COTL1: variants seen among roughly 807,000 people sequenced by gnomAD.
COTL1 encodes coactosin-like protein.
In COTL1, 15 loss-of-function variants were observed where a neutral mutation model predicts 16.5. The ratio of observed to expected loss-of-function variants is 0.91; its 90% CI spans 0.61 to 1.40. The LOEUF is 1.40. Ranked by LOEUF, COTL1 falls within the 40% of genes most tolerant of loss-of-function variation. The pLI is 0.00. For synonymous variants in COTL1, 112 were observed against 85.3 expected (o/e 1.31, Z -1.73); for missense variants, 220 against 201.5 (o/e 1.09, Z -0.56).
intron 2 of COTL1, among the ~76,000 whole-genome samples, chr16:84,601,643 A>T (rs1335184514): frequency 6.6e-6 from 1 of 152,156 alleles, no homozygotes; most frequent in East Asian, 1.9e-4. Flanking sequence ...TTTAATATAG[A>T]CCAGGTTTCA....
chr16:84,583,651 G>A (rs572649767), intron 3 of COTL1, among the ~76,000 whole-genome samples: 1 of 151,948 alleles, frequency 6.6e-6, no homozygotes, highest in Admixed American at 6.6e-5. Flanking sequence ...GTAGAGACGA[G>A]GTCCCACTAT....
intron 3 of COTL1, among the ~76,000 whole-genome samples, chr16:84,583,914 C>T (rs1226843083): frequency 6.6e-6 from 1 of 152,132 alleles, no homozygotes; most frequent in Non-Finnish European, 1.5e-5. Context: ...TTCTGGATTC[C>T]TGGCTCCGTG....
At chr16:84,600,762 G>A (rs1455335004) in intron 2 of COTL1, among the ~76,000 whole-genome samples, 2 of 152,272 alleles carry the variant, frequency 1.3e-5, no homozygotes, top group South Asian at 4.1e-4. Context: ...TTTTCACTAG[G>A]TGTGAATGAC....
chr16:84,600,006 C>T (rs949740524), intron 2 of COTL1, among the ~76,000 whole-genome samples: 3 of 152,042 alleles, frequency 2.0e-5, no homozygotes, highest in African/African-American at 4.8e-5. Flanking sequence ...GCTCAGTGGC[C>T]GCCCACGTCT....
intron 2 of COTL1, chr16:84,594,399 T>C (rs969791253): frequency 6.6e-6 from 1 of 152,260 alleles, no homozygotes; most frequent in East Asian, 1.9e-4. Context: ...AGGTGCAAAG[T>C]GCGCAGCCAC....
chr16:84,614,259 GCAGGCAGCGAGGAAGGCCGGGAGC>G (rs1905410788), intron 2 of COTL1, among the ~76,000 whole-genome samples: 1 of 152,238 alleles, frequency 6.6e-6, no homozygotes, highest in Non-Finnish European at 1.5e-5. Context: ...TAGCGGAGGG[GCAGGCAGCGAGGAAGGCCGGGAGC>G]CAGGCAAGCT....
chr16:84,586,548 A>G (rs941532861), intron 3 of COTL1, among the ~76,000 whole-genome samples: 1 of 152,204 alleles, frequency 6.6e-6, no homozygotes, highest in Admixed American at 6.5e-5. Flanking sequence ...ATGTAGCTGA[A>G]TTGTACTTTA....
At chr16:84,591,982 T>C (rs146284785) in intron 2 of COTL1, among the ~76,000 whole-genome samples, 1 of 152,334 alleles carries the variant, frequency 6.6e-6, no homozygotes, top group East Asian at 1.9e-4. Context: ...CAACATCAGC[T>C]CAACTGGCAT....
intron 3 of COTL1, chr16:84,567,327 T>G (rs1904303201): frequency 1.1e-5 from 2 of 185,892 alleles, no homozygotes; most frequent in South Asian, 2.0e-4. Context: ...GTCAGGAAAA[T>G]AATAGGTTAC....
At chr16:84,583,068 C>T (rs187489350) in intron 3 of COTL1, among the ~76,000 whole-genome samples, 456 of 152,332 alleles carry the variant, frequency 3.0e-3, no homozygotes, top group Non-Finnish European at 4.5e-3. Context: ...TTGCGGCCTT[C>T]GAACCTCTTC....
At chr16:84,589,354 G>A (rs1315068388) in intron 3 of COTL1, among the ~76,000 whole-genome samples, 3 of 152,224 alleles carry the variant, frequency 2.0e-5, no homozygotes, top group African/African-American at 7.2e-5. Flanking sequence ...GTGCATGGTG[G>A]AGGATGGGCA....
chr16:84,608,032 G>C (rs1230642587), intron 2 of COTL1, among the ~76,000 whole-genome samples: 1 of 152,150 alleles, frequency 6.6e-6, no homozygotes, highest in Non-Finnish European at 1.5e-5. Flanking sequence ...ATCTTTTCAG[G>C]AGGTGCTGGC....
intron 2 of COTL1, among the ~76,000 whole-genome samples, chr16:84,612,865 G>T (rs1197191400): frequency 6.6e-6 from 1 of 152,162 alleles, no homozygotes; most frequent in Non-Finnish European, 1.5e-5. Flanking sequence ...TCAGAGGTAG[G>T]CATGTCAGGA....
chr16:84,592,664 G>A (rs1196624813), intron 2 of COTL1, among the ~76,000 whole-genome samples: 1 of 150,894 alleles, frequency 6.6e-6, no homozygotes. Context: ...GCAGAGTCCC[G>A]CACGAAGCAT....
At chr16:84,586,811 G>C (rs139695793) in intron 3 of COTL1, among the ~76,000 whole-genome samples, 2 of 152,096 alleles carry the variant, frequency 1.3e-5, no homozygotes, top group Non-Finnish European at 2.9e-5. Flanking sequence ...GGCTGGTCTC[G>C]AACTCCTGAC....
intron 3 of COTL1, among the ~76,000 whole-genome samples, chr16:84,577,684 C>T (rs143954375): frequency 6.6e-6 from 1 of 152,264 alleles, no homozygotes; most frequent in Admixed American, 6.5e-5. Flanking sequence ...AGTGACGCGA[C>T]CCTGCTGTAC....
intron 3 of COTL1, chr16:84,576,577 G>T (rs1276644666): frequency 2.0e-5 from 3 of 152,184 alleles, no homozygotes; most frequent in African/African-American, 4.8e-5. Flanking sequence ...GCTCTGAAAT[G>T]CCCGGAAGGC....
At chr16:84,579,715 C>T (rs538863854) in intron 3 of COTL1, among the ~76,000 whole-genome samples, 3 of 152,098 alleles carry the variant, frequency 2.0e-5, no homozygotes, top group East Asian at 1.9e-4. Flanking sequence ...GAAGACTAAG[C>T]GTGTGTGCTT....
At chr16:84,609,173 C>T (rs534639220) in intron 2 of COTL1, among the ~76,000 whole-genome samples, 55 of 152,260 alleles carry the variant, frequency 3.6e-4, no homozygotes, top group African/African-American at 1.3e-3. Flanking sequence ...CAAAACAGCA[C>T]GATAAATAGA....
Sources: allele counts gnomAD v4.1 joint callset (sites outside exome capture counted in the v4.1 genomes callset), GRCh38; gene constraint gnomAD v4.1.1; transcripts MANE v1.5; gene names NCBI Gene and HGNC (gene_info 2026-07-23, HGNC 2026-07-21).